AZIN2: variants seen among roughly 807,000 people sequenced by gnomAD.
AZIN2 encodes antizyme inhibitor 2.
AZIN2 carries 28 observed loss-of-function variants against 47.8 expected under a neutral mutation model. That is an observed-to-expected ratio of 0.59 (90% CI 0.43 to 0.80). The LOEUF is 0.80. Ranked by LOEUF, AZIN2 falls within the 30% of genes least tolerant of loss-of-function variation. The probability of loss-of-function intolerance (pLI) is 0.00; values close to 1 mark genes in which losing one functional copy is unlikely to be tolerated. For missense variants in AZIN2, 535 were observed against 582.5 expected, an observed-to-expected ratio of 0.92 and a Z score of 0.84; for synonymous variants, 221 against 239.4, an observed-to-expected ratio of 0.92 and a Z score of 0.71.
At chr1:33,108,342 C>CT (rs34834263) in intron 10 of AZIN2, among the ~76,000 whole-genome samples, 3,672 of 134,724 alleles carry the variant, frequency 0.027, 136 homozygotes, top group African/African-American at 0.076. Context: ...TTCAGATTGA[C>CT]TTTTTTTTTT....
At chr1:33,149,277 C>T in the AZIN2 span, among the ~76,000 whole-genome samples, 3 of 152,276 alleles carry the variant, frequency 2.0e-5, no homozygotes, top group Middle Eastern at 3.4e-3. Context: ...CTCAGCCTCT[C>T]GAGTAGTTGG....
At chr1:33,130,504 A>G in the AZIN2 span, among the ~76,000 whole-genome samples, 1 of 152,278 alleles carries the variant, frequency 6.6e-6, no homozygotes, top group East Asian at 1.9e-4. Flanking sequence ...ATCAACGGCT[A>G]GCAAGGACTT....
intron 6 of AZIN2, 24 bp downstream of exon 6, chr1:33,092,246 G>A (rs574215019): frequency 6.2e-7 from 1 of 1,608,088 alleles, no homozygotes; most frequent in Non-Finnish European, 8.5e-7. Context: ...CACTCATGGG[G>A]AGGCTGGGCT....
chr1:33,106,248 A>G (rs1412455728), intron 10 of AZIN2, among the ~76,000 whole-genome samples: 1 of 152,246 alleles, frequency 6.6e-6, no homozygotes, highest in Non-Finnish European at 1.5e-5. Flanking sequence ...ATAGACCAAT[A>G]GTGAGTTAGG....
chr1:33,112,089 C>T (rs1270939144), intron 10 of AZIN2, among the ~76,000 whole-genome samples: 1 of 152,102 alleles, frequency 6.6e-6, no homozygotes, highest in Non-Finnish European at 1.5e-5. Flanking sequence ...TTCATAACAA[C>T]TAGATTAGAA....
intron 10 of AZIN2, among the ~76,000 whole-genome samples, chr1:33,103,782 A>T (rs1469173058): frequency 6.6e-6 from 1 of 152,188 alleles, no homozygotes; most frequent in East Asian, 1.9e-4. Context: ...CAATCATTCA[A>T]TAAACTGTGA....
chr1:33,092,241 A>ATGGGGAGGCTGGGCTG lies in AZIN2; in HGVS notation c.452+27_452+42dup. On this transcript the variant is annotated intron_variant, in intron 6 of 11. Transcript: ENST00000294517. ...GTGCCAAGTAAGCTGAGAACCACTC[A>ATGGGGAGGCTGGGCTG]TGGGGAGGCTGGGCTGTGGGGAGCC... 1 of 1,587,814 alleles carries ATGGGGAGGCTGGGCTG rather than the reference A, an allele frequency of 6.3e-7. No individual in the cohort carries two copies. Among genetic ancestry groups the ATGGGGAGGCTGGGCTG allele is most frequent in the Non-Finnish European group, 8.6e-7 (1 of 1,163,180 alleles).
downstream of AZIN2, among the ~76,000 whole-genome samples, chr1:33,124,385 T>C (rs543359104): frequency 1.3e-5 from 2 of 151,192 alleles, no homozygotes; most frequent in South Asian, 2.1e-4. The surrounding 1 kb of genome is among the most constrained non-coding windows in gnomAD (Gnocchi z 4.6). Context: ...GGAAGATTAA[T>C]TGAAAGTGTA....
At chr1:33,104,391 CTA>C (rs1643898401) in intron 10 of AZIN2, among the ~76,000 whole-genome samples, 1 of 152,018 alleles carries the variant, frequency 6.6e-6, no homozygotes, top group Non-Finnish European at 1.5e-5. Flanking sequence ...TTTTTTCACT[CTA>C]TTGGTTTATT....
At chr1:33,152,093 C>A in the AZIN2 span, among the ~76,000 whole-genome samples, 1 of 152,256 alleles carries the variant, frequency 6.6e-6, no homozygotes, top group Non-Finnish European at 1.5e-5. Flanking sequence ...ACGACAGACC[C>A]AGGGGCACAA....
At chr1:33,140,064 G>A in the AZIN2 span, among the ~76,000 whole-genome samples, 1 of 152,178 alleles carries the variant, frequency 6.6e-6, no homozygotes, top group Non-Finnish European at 1.5e-5. This position sits in a 1 kb window ranked among gnomAD's most constrained non-coding sequence, Gnocchi z 4.0. Flanking sequence ...AAAGAAGTGG[G>A]GAAGGACTTT....
rs372342982 is a variant in AZIN2 at position 33,094,685 on chromosome 1, C to A, written c.725C>A (p.Thr242Lys). The A allele has an allele frequency of 1.1e-5, 17 of 1,614,038 alleles. No homozygotes were observed. Among genetic ancestry groups the A allele is most frequent in the Non-Finnish European group, 1.3e-5 (15 of 1,180,034 alleles). The change falls in exon 8 of 12, where the codon ACA (threonine) becomes AAA (lysine). Residue 242 changes from threonine to lysine, a missense_variant. Coordinates refer to ENST00000294517, the MANE Select transcript of AZIN2 (RefSeq NM_052998.4). The part of the protein sequence containing the change: ...VLDLGGGFPG[T>K]EGAKVRFEEI... ...GACCTTGGTGGTGGCTTCCCTGGCACAGAAGGGGCCAAAGTGAGATTTGAA... is the reference window on the plus strand; with the variant it reads ...GACCTTGGTGGTGGCTTCCCTGGCAAAGAAGGGGCCAAAGTGAGATTTGAA...
At chr1:33,138,640 A>G in the AZIN2 span, among the ~76,000 whole-genome samples, 144 of 149,502 alleles carry the variant, frequency 9.6e-4, 3 homozygotes, top group African/African-American at 3.0e-3. Context: ...AAAAAAAAAA[A>G]AAAAAGAAAA....
At chr1:33,101,082 A>G (rs933909229) in intron 10 of AZIN2, among the ~76,000 whole-genome samples, 4 of 151,926 alleles carry the variant, frequency 2.6e-5, no homozygotes, top group Non-Finnish European at 4.4e-5. Flanking sequence ...GGCTGGTCTC[A>G]AACTCCTGAC....
intron 11 of AZIN2, chr1:33,118,891 C>T (rs1223269169): frequency 2.0e-5 from 3 of 152,226 alleles, no homozygotes; most frequent in Non-Finnish European, 2.9e-5. Flanking sequence ...CGTTAGGTGT[C>T]GTATGACTAT....
At chr1:33,091,352 G>C (rs182958930) in intron 5 of AZIN2, among the ~76,000 whole-genome samples, 60 of 152,244 alleles carry the variant, frequency 3.9e-4, no homozygotes, top group Middle Eastern at 3.4e-3. Flanking sequence ...TGAGTCTCCT[G>C]CCTCAGCCTC....
chr1:33,102,395 C>T (rs1466876069), intron 10 of AZIN2, among the ~76,000 whole-genome samples: 1 of 152,198 alleles, frequency 6.6e-6, no homozygotes, highest in East Asian at 1.9e-4. Context: ...GCTCACTCAG[C>T]TCCCTTAGCC....
chr1:33,114,257 T>G (rs1396166617), intron 10 of AZIN2, among the ~76,000 whole-genome samples: 1 of 151,838 alleles, frequency 6.6e-6, no homozygotes, highest in Non-Finnish European at 1.5e-5. Flanking sequence ...TAGCTGAGAT[T>G]ACAGGCGCCT....
At chr1:33,118,314 C>G (rs1299252551) in intron 11 of AZIN2, 198 bp downstream of exon 11, 1 of 525,604 alleles carries the variant, frequency 1.9e-6, no homozygotes, top group East Asian at 3.4e-5. Context: ...GCTCACAGCC[C>G]TGAGGGAGGC....
Sources: allele counts gnomAD v4.1 joint callset (sites outside exome capture counted in the v4.1 genomes callset), GRCh38; gene constraint gnomAD v4.1.1; non-coding constraint Gnocchi (gnomAD v3.1); transcripts MANE v1.5; gene names NCBI Gene and HGNC (gene_info 2026-07-23, HGNC 2026-07-21).